SUPT3H: variants seen among roughly 807,000 people sequenced by gnomAD.
SUPT3H encodes transcription initiation protein SPT3 homolog.
Under a neutral mutation model 44.3 loss-of-function variants are expected in SUPT3H, and 44 were observed. That is an observed-to-expected ratio of 0.99 (90% CI 0.78 to 1.28). The LOEUF (loss-of-function observed/expected upper bound fraction) is 1.28, where lower values mean the gene tolerates loss of function less well. Among genes scored for constraint, SUPT3H ranks in the 50% most tolerant of loss-of-function variants. The probability of loss-of-function intolerance (pLI) is 0.00; values close to 1 mark genes in which losing one functional copy is unlikely to be tolerated. For missense variants in SUPT3H, 380 were observed against 387.1 expected, an observed-to-expected ratio of 0.98 and a Z score of 0.15; for synonymous variants, 124 against 125.6, an observed-to-expected ratio of 0.99 and a Z score of 0.09.
At chr6:44,919,752 C>G (rs750247377) in intron 10 of SUPT3H, among the ~76,000 whole-genome samples, 1 of 152,216 alleles carries the variant, frequency 6.6e-6, no homozygotes, top group Admixed American at 6.5e-5. Flanking sequence ...TCTGGTCTCA[C>G]GCCATTGCCT....
At chr6:45,119,560 T>A (rs1263796623) in intron 2 of SUPT3H, among the ~76,000 whole-genome samples, 1 of 152,198 alleles carries the variant, frequency 6.6e-6, no homozygotes, top group Non-Finnish European at 1.5e-5. Context: ...GCTTATTATA[T>A]GTATATAGCT....
intron 10 of SUPT3H, among the ~76,000 whole-genome samples, chr6:44,886,028 G>A (rs185782516): frequency 6.6e-6 from 1 of 152,130 alleles, no homozygotes; most frequent in Non-Finnish European, 1.5e-5. Flanking sequence ...GATGGAAGAT[G>A]AAATGAATGA....
At chr6:45,141,498 GA>G (rs542997352) in intron 2 of SUPT3H, among the ~76,000 whole-genome samples, 6 of 150,608 alleles carry the variant, frequency 4.0e-5, no homozygotes, top group Admixed American at 1.3e-4. Context: ...GTACAGAAAA[GA>G]AAAAAAATCA....
intron 10 of SUPT3H, among the ~76,000 whole-genome samples, chr6:44,862,271 C>G (rs1476670357): frequency 6.6e-6 from 1 of 152,004 alleles, no homozygotes; most frequent in Non-Finnish European, 1.5e-5. Context: ...CAAAATTCAG[C>G]TCAGGCAATC....
At chr6:44,826,687 A>C (rs1020215348), downstream of SUPT3H, among the ~76,000 whole-genome samples, 1 of 152,220 alleles carries the variant, frequency 6.6e-6, no homozygotes, top group African/African-American at 2.4e-5. Context: ...AAAATTCATA[A>C]AATTAAACTT....
rs180990968 is a variant in SUPT3H, at chr6:45,111,191, C to T, written c.102-5185G>A. ...GGGATTACAGGCGCCCGCCACCATG[C>T]CCAGCTAGTTTTTGTATTTTTAGTA... On this transcript the variant is annotated intron_variant, in intron 2 of 10. Transcript: ENST00000371459. 6.3e-3 allele frequency among the ~76,000 whole-genome samples: 953 copies of T among 152,046 alleles called. 14 individuals are homozygous for T. The highest frequency in any genetic ancestry group is 0.02 in the African/African-American group (831 of 41,488).
At chr6:45,239,823 C>T (rs114044820) in intron 2 of SUPT3H, among the ~76,000 whole-genome samples, 10 of 152,124 alleles carry the variant, frequency 6.6e-5, no homozygotes, top group African/African-American at 9.7e-5. Flanking sequence ...CATTGTAGAA[C>T]GAATGAATCT....
intron 3 of SUPT3H, among the ~76,000 whole-genome samples, chr6:45,062,636 T>C (rs1317900785): frequency 2.6e-5 from 4 of 152,312 alleles, no homozygotes; most frequent in East Asian, 1.9e-4. Context: ...GGGCGAGGCA[T>C]TGCCTCACCT....
chr6:45,169,312 A>T (rs1810412625), intron 2 of SUPT3H, among the ~76,000 whole-genome samples: 1 of 152,146 alleles, frequency 6.6e-6, no homozygotes, highest in South Asian at 2.1e-4. Flanking sequence ...ATGCAAACCA[A>T]TTCTTCTGGG....
chr6:45,209,954 C>A (rs571826311), intron 2 of SUPT3H, among the ~76,000 whole-genome samples: 2 of 152,270 alleles, frequency 1.3e-5, no homozygotes, highest in East Asian at 3.9e-4. Context: ...ATTGAAGGTT[C>A]AGACGATACC....
intron 6 of SUPT3H, among the ~76,000 whole-genome samples, chr6:44,980,821 C>A (rs549482730): frequency 8.0e-4 from 122 of 152,306 alleles, no homozygotes; most frequent in African/African-American, 2.8e-3. Context: ...CTTTAAACTT[C>A]ACTAGAGTAC....
chr6:45,244,217 A>T (rs1446612374), intron 2 of SUPT3H, among the ~76,000 whole-genome samples: 1 of 152,106 alleles, frequency 6.6e-6, no homozygotes, highest in Non-Finnish European at 1.5e-5. Context: ...CAGAGATGGC[A>T]CGGCCTCCGT....
intron 2 of SUPT3H, among the ~76,000 whole-genome samples, chr6:45,260,773 T>G (rs898300484): frequency 5.3e-5 from 8 of 152,054 alleles, no homozygotes; most frequent in Non-Finnish European, 1.2e-4. Context: ...AAAGATCATC[T>G]CTGAACAATG....
At chr6:45,370,824 G>C (rs948543317) in intron 1 of SUPT3H, among the ~76,000 whole-genome samples, 1 of 152,056 alleles carries the variant, frequency 6.6e-6, no homozygotes, top group Admixed American at 6.6e-5. Flanking sequence ...CCGAGACACA[G>C]GAGTTTCTAG....
intron 3 of SUPT3H, among the ~76,000 whole-genome samples, chr6:45,060,096 A>G (rs936018337): frequency 1.3e-5 from 2 of 152,192 alleles, no homozygotes; most frequent in African/African-American, 4.8e-5. Context: ...AAAAAAAACT[A>G]TTTTAAAATT....
intron 2 of SUPT3H, among the ~76,000 whole-genome samples, chr6:45,196,173 G>T (rs561374256): frequency 4.6e-5 from 7 of 152,010 alleles, no homozygotes; most frequent in Non-Finnish European, 8.8e-5. Flanking sequence ...TTTAAAAGGG[G>T]GTAGGGGGCA....
intron 2 of SUPT3H, among the ~76,000 whole-genome samples, chr6:45,179,984 G>A (rs916486599): frequency 1.2e-4 from 18 of 152,168 alleles, no homozygotes; most frequent in African/African-American, 4.1e-4. Flanking sequence ...TCTCAGCCCA[G>A]AATCTCCTTA....
downstream of SUPT3H, among the ~76,000 whole-genome samples, chr6:44,825,065 C>T (rs908906927): frequency 3.9e-5 from 6 of 152,140 alleles, no homozygotes; most frequent in South Asian, 2.1e-4. Context: ...TGTATGAAAG[C>T]GTGAAACGGT....
At chr6:45,209,578 C>G (rs2093901) in intron 2 of SUPT3H, among the ~76,000 whole-genome samples, 60,759 of 152,032 alleles carry the variant, frequency 0.4, 12,550 homozygotes, top group East Asian at 0.71. Flanking sequence ...AAACTTGAAG[C>G]AATGAGGAGT....
Sources: allele counts gnomAD v4.1 joint callset (sites outside exome capture counted in the v4.1 genomes callset), GRCh38; gene constraint gnomAD v4.1.1; transcripts MANE v1.5; gene names NCBI Gene and HGNC (gene_info 2026-07-23, HGNC 2026-07-21).